Variants in HOOK1 observed in about 807,000 individuals in gnomAD.
HOOK1 encodes hook microtubule tethering protein 1.
In HOOK1, 60 loss-of-function variants were observed where a neutral mutation model predicts 112.8. The ratio of observed to expected loss-of-function variants is 0.53; its 90% CI spans 0.43 to 0.66. The LOEUF (loss-of-function observed/expected upper bound fraction) is 0.66, where lower values mean the gene tolerates loss of function less well. Among genes scored for constraint, HOOK1 ranks in the 30% least tolerant of loss-of-function variants. HOOK1 has a pLI of 0.00. For synonymous variants in HOOK1, 294 were observed against 283.8 expected, an observed-to-expected ratio of 1.04 and a Z score of -0.36; for missense variants, 770 against 856.0, an observed-to-expected ratio of 0.90 and a Z score of 1.25.
chr1:59,863,198 T>C lies in HOOK1; in HGVS notation c.1626+321T>C, dbSNP rs151273248. Among the ~76,000 whole-genome samples the C allele has an allele frequency of 2.0e-4, 31 of 152,254 alleles. No individual in the cohort carries two copies. In the East Asian group the frequency reaches 4.4e-3, roughly 22 times the overall value. On this transcript the variant is annotated intron_variant, in intron 16 of 21. Coordinates refer to ENST00000371208, the MANE Select transcript of HOOK1 (RefSeq NM_015888.6). ...ATTCTTGATTGAGAGCATACTACAA[T>C]TGAGGCCTTCATAGTTCTGCTGGAA... is the stretch of plus-strand genomic sequence containing the variant.
chr1:59,864,686 C>A lies in HOOK1; in HGVS notation c.1661+20C>A. 2 of 1,436,770 alleles carry A rather than the reference C, an allele frequency of 1.4e-6. No homozygotes were observed. The highest frequency in any genetic ancestry group is 2.8e-5 in the African/African-American group (2 of 70,374). The allele number at this position is 1,436,770 out of a possible 1,614,324, so 89.0% of individuals were successfully genotyped here. A position where few individuals can be genotyped will look rare whatever the true frequency, so the allele number is the denominator to read the frequency against. ...TCATATGTAAGTAAAACTGATATTT[C>A]TTTTCAAATATGAGAAGGGAGGGGT... is the stretch of plus-strand genomic sequence containing the variant. On this transcript the variant is annotated intron_variant, in intron 17 of 21. Transcript: ENST00000371208.
At position 59,840,407 on chromosome 1, in the gene HOOK1, C is replaced by T; in HGVS notation, c.621+16C>T. The T allele has an allele frequency of 2.0e-6, 3 of 1,508,966 alleles. No homozygotes were observed. The highest frequency in any genetic ancestry group is 2.3e-5 in the Admixed American group (1 of 44,356). The allele number at this position is 1,508,966 out of a possible 1,614,324, so 93.5% of individuals were successfully genotyped here. A position where few individuals can be genotyped will look rare whatever the true frequency, so the allele number is the denominator to read the frequency against. The stretch of plus-strand genomic sequence containing the variant: ...GGATATGCAGGTACGGGAAAAAACC[C>T]TGAGCTGAGAAAAACTTCCTCTTTA... On this transcript the variant is annotated intron_variant, in intron 8 of 21. Coordinates refer to ENST00000371208, the MANE Select transcript of HOOK1 (RefSeq NM_015888.6).
intron 10 of HOOK1, 134 bp from the exon 11 acceptor site, chr1:59,848,181 C>G: frequency 3.3e-6 from 2 of 614,006 alleles, no homozygotes; most frequent in Non-Finnish European, 5.6e-6. Flanking sequence ...TTACAATTTC[C>G]TCTTCTCACT....
intron 3 of HOOK1, among the ~76,000 whole-genome samples, chr1:59,829,894 G>T (rs918447865): frequency 6.6e-6 from 1 of 151,926 alleles, no homozygotes; most frequent in Non-Finnish European, 1.5e-5. Flanking sequence ...TATTTTGACA[G>T]ACTGTTACTT....
intron 12 of HOOK1, among the ~76,000 whole-genome samples, chr1:59,857,349 G>C (rs1320045299): frequency 1.3e-5 from 2 of 152,194 alleles, no homozygotes; most frequent in African/African-American, 4.8e-5. Context: ...GGGGAGACGG[G>C]AATCATAGTT....
chr1:59,840,451 A>C, intron 8 of HOOK1, 60 bp downstream of exon 8: 1 of 1,039,734 alleles, frequency 9.6e-7, no homozygotes, highest in Non-Finnish European at 1.4e-6. Flanking sequence ...GAAGATTTTT[A>C]TTGTAATTAA....
At chr1:59,832,457 T>C (rs1324301134) in intron 4 of HOOK1, among the ~76,000 whole-genome samples, 1 of 152,128 alleles carries the variant, frequency 6.6e-6, no homozygotes, top group African/African-American at 2.4e-5. Context: ...AGAATTACCT[T>C]CATCTTTAAT....
At chr1:59,843,380 ATTTTT>A in intron 8 of HOOK1, 47 bp from the exon 9 acceptor site, 2 of 1,366,394 alleles carry the variant, frequency 1.5e-6, no homozygotes, top group Non-Finnish European at 2.0e-6. Flanking sequence ...AAGAATTTTT[ATTTTT>A]TTGTTTTTTT....
At chr1:59,868,121 C>A (rs960498496) in intron 19 of HOOK1, 129 bp from the exon 20 acceptor site, 8 of 584,956 alleles carry the variant, frequency 1.4e-5, no homozygotes, top group African/African-American at 1.3e-4. Context: ...GTAAAACAAG[C>A]TACAGTTAGC....
chr1:59,860,536 T>G (rs1007493421), intron 15 of HOOK1, among the ~76,000 whole-genome samples: 10 of 152,196 alleles, frequency 6.6e-5, no homozygotes, highest in African/African-American at 2.2e-4. Flanking sequence ...ATTTATAAAA[T>G]ATATGGATAA....
At position 59,833,442 on chromosome 1, in the gene HOOK1, A is replaced by C. The variant is rs1174840428; in HGVS notation, c.311A>C (p.Asp104Ala). ...CAGATTTCAGAAGCACTTATCCCTG[A>C]TTTAAACCAAATAACCGAATGTTCA... ...GQQISEALIPDLNQITECSDP... is the reference protein window; with the variant it reads ...GQQISEALIPALNQITECSDP... Residue 104 changes from aspartate to alanine, a missense_variant, in exon 5 of 22, where the codon GAT (aspartate) becomes GCT (alanine). Coordinates refer to ENST00000371208, the MANE Select transcript of HOOK1 (RefSeq NM_015888.6). 1 of 1,572,432 alleles carries C rather than the reference A, an allele frequency of 6.4e-7. No homozygotes were observed. Among genetic ancestry groups the C allele is most frequent in the Admixed American group, 1.7e-5 (1 of 57,846 alleles).
At chr1:59,867,469 T>A (rs1430177372) in intron 19 of HOOK1, among the ~76,000 whole-genome samples, 4 of 152,320 alleles carry the variant, frequency 2.6e-5, no homozygotes, top group South Asian at 2.1e-4. Flanking sequence ...TTCTTTTTCC[T>A]CTATAAATGT....
At position 59,873,743 on chromosome 1, in the gene HOOK1, A is replaced by C. The variant is rs944490543; in HGVS notation, c.*778A>C. On this transcript the variant is annotated 3_prime_UTR_variant, in exon 22 of 22. Transcript: ENST00000371208. ...AAGCAAGCTATATATATATATATAT[A>C]TATATATATATATATATATATACTT... 1 of 142,736 alleles carries C rather than the reference A, an allele frequency of 7.0e-6. No homozygotes were observed. The highest frequency in any genetic ancestry group is 2.2e-4 in the South Asian group (1 of 4,548). 8.8% of individuals were successfully genotyped at this position (142,736 alleles called of 1,614,324 possible). A position where few individuals can be genotyped will look rare whatever the true frequency, so the allele number is the denominator to read the frequency against.
At chr1:59,827,840 A>G (rs2102013437) in intron 2 of HOOK1, among the ~76,000 whole-genome samples, 1 of 152,220 alleles carries the variant, frequency 6.6e-6, no homozygotes, top group East Asian at 1.9e-4. Flanking sequence ...ACCTTGGAAA[A>G]GAAGCTCTTT....
chr1:59,842,358 T>A (rs778913003), intron 8 of HOOK1, among the ~76,000 whole-genome samples: 1 of 152,158 alleles, frequency 6.6e-6, no homozygotes, highest in Non-Finnish European at 1.5e-5. Context: ...TCACTTAGAA[T>A]TATTATGCAT....
chr1:59,829,950 T>G (rs1056970746), intron 3 of HOOK1, among the ~76,000 whole-genome samples: 2 of 152,100 alleles, frequency 1.3e-5, no homozygotes, highest in African/African-American at 4.8e-5. Context: ...CTTATAAAGT[T>G]TTCTCCTTTG....
At chr1:59,846,920 TTCA>T (rs1249816873) in intron 9 of HOOK1, 122 bp from the exon 10 acceptor site, 15 of 595,642 alleles carry the variant, frequency 2.5e-5, no homozygotes, top group African/African-American at 2.3e-4. Context: ...ACATATTTTA[TTCA>T]TCATATATTT....
intron 8 of HOOK1, among the ~76,000 whole-genome samples, chr1:59,841,092 G>C (rs2098400813): frequency 6.6e-6 from 1 of 152,150 alleles, no homozygotes; most frequent in Admixed American, 6.6e-5. Flanking sequence ...AGGGTTAAAT[G>C]AGTTCATATA....
intron 19 of HOOK1, among the ~76,000 whole-genome samples, chr1:59,867,479 T>C (rs1462412706): frequency 6.6e-6 from 1 of 152,190 alleles, no homozygotes; most frequent in African/African-American, 2.4e-5. Context: ...TCTATAAATG[T>C]AGATGAAGTT....
Sources: allele counts gnomAD v4.1 joint callset (sites outside exome capture counted in the v4.1 genomes callset), GRCh38; gene constraint gnomAD v4.1.1; transcripts MANE v1.5; gene names NCBI Gene and HGNC (gene_info 2026-07-23, HGNC 2026-07-21).